The following CDCA5 variants were observed in gnomAD, a reference collection of about 807,000 sequenced individuals.
CDCA5 encodes the protein sororin.
CDCA5 carries 14 observed loss-of-function variants against 25.7 expected under a neutral mutation model. The ratio of observed to expected loss-of-function variants is 0.54; its 90% CI spans 0.36 to 0.85. The LOEUF is 0.85. CDCA5 is among the 40% of genes least tolerant of loss of function. The pLI, the probability that CDCA5 is intolerant of heterozygous loss-of-function variation, is 0.01. For missense variants in CDCA5, 307 were observed against 324.5 expected (o/e 0.95, Z 0.41); for synonymous variants, 127 against 128.7 (o/e 0.99, Z 0.09).
At chr11:65,066,442 AGAG>A in exon 7 of CDCA5, 1 of 1,276,674 alleles carries the variant, frequency 7.8e-7, no homozygotes, top group Non-Finnish European at 1.0e-6. Context: ...GGCAGCTTGA[AGAG>A]GAGACCTGCC....
At chr11:65,065,777 G>C (rs1947227288), downstream of CDCA5, among the ~76,000 whole-genome samples, 1 of 152,028 alleles carries the variant, frequency 6.6e-6, no homozygotes, top group African/African-American at 2.4e-5. Context: ...TGGGCCAGAG[G>C]GCTCCTGGGT....
At position 65,078,129 on chromosome 11, in the gene CDCA5, G is replaced by A. The variant is rs1011953400; in HGVS notation, c.*978C>T. The A allele has an allele frequency of 5.2e-5, 51 of 985,006 alleles. No homozygotes were observed. The African/African-American group carries it at 8.2e-4, about 16-fold the overall frequency. 61.0% of individuals were successfully genotyped at this position (985,006 alleles called of 1,614,324 possible). A position where few individuals can be genotyped will look rare whatever the true frequency, so the allele number is the denominator to read the frequency against. On this transcript the variant is annotated 3_prime_UTR_variant, in exon 6 of 6. Coordinates refer to ENST00000275517, the MANE Select transcript of CDCA5 (RefSeq NM_080668.4). ...CTGGTACGCGAGGAAACTTTCCGAG[G>A]ACTTTACAAGCATAGTTGCAAAATG...
chr11:65,084,022 G>T lies in CDCA5; in HGVS notation c.-44C>A. On this transcript the variant is annotated 5_prime_UTR_variant, in exon 1 of 6. Transcript: ENST00000275517. The stretch of plus-strand genomic sequence containing the variant: ...AGCTCCTCCAGCGCCGCCGCCCCGG[G>T]CGCGCGCCAACCGGGAAGGCCACTC... The T allele has an allele frequency of 5.7e-6, 9 of 1,586,632 alleles. No homozygotes were observed. Among genetic ancestry groups the T allele is most frequent in the Non-Finnish European group, 6.8e-6 (8 of 1,169,236 alleles).
chr11:65,081,573 G>A (rs1274778144), intron 4 of CDCA5, among the ~76,000 whole-genome samples: 1 of 152,140 alleles, frequency 6.6e-6, no homozygotes, highest in Non-Finnish European at 1.5e-5. Flanking sequence ...CAACAAGAAT[G>A]AGTGGCTACT....
Position 65,077,745 on chromosome 11 carries a change from T to G in CDCA5, c.*1362A>C, listed in dbSNP as rs147595222. ...ACCACAGAGCGTTGAGCAGATGGCC[T>G]GGGACTCCCAGACCTGGCAGAGGGT... On this transcript the variant is annotated 3_prime_UTR_variant, in exon 6 of 6. Transcript: ENST00000275517. The G allele has an allele frequency of 6.1e-6, 6 of 985,464 alleles. No individual in the cohort carries two copies. In the African/African-American group the frequency reaches 8.7e-5, roughly 14 times the overall value. The allele number at this position is 985,464 out of a possible 1,614,324, so 61.0% of individuals were successfully genotyped here. A position where few individuals can be genotyped will look rare whatever the true frequency, so the allele number is the denominator to read the frequency against.
chr11:65,066,471 TC>T lies in CDCA5; in HGVS notation c.565del (p.Asp189ThrfsTer?), dbSNP rs1213305784. 2.3e-6 allele frequency: 3 copies of T among 1,286,694 alleles called. No homozygotes were observed. Among genetic ancestry groups the T allele is most frequent in the Non-Finnish European group, 3.0e-6 (3 of 987,184 alleles). The allele number at this position is 1,286,694 out of a possible 1,614,324, so 79.7% of individuals were successfully genotyped here. ...GAGACCTGCCTTCCGGGGGTTTGGG[TC>T]ACTGCAGGCAGAGACAGCTCGAGTG... On this transcript the variant is annotated frameshift_variant and splice_region_variant, in exon 7 of 7. Transcript: ENST00000525464. LOFTEE classifies it low-confidence loss of function (END_TRUNC).
chr11:65,065,335 T>G (rs959112042), downstream of CDCA5, among the ~76,000 whole-genome samples: 6 of 152,214 alleles, frequency 3.9e-5, no homozygotes, highest in African/African-American at 1.2e-4. Flanking sequence ...TCGTCCAGGC[T>G]GGAGTACAGT....
chr11:65,065,850 T>A (rs1947228094), downstream of CDCA5, among the ~76,000 whole-genome samples: 3 of 151,800 alleles, frequency 2.0e-5, no homozygotes, highest in Non-Finnish European at 4.4e-5. Context: ...TGCGGGCCCT[T>A]GGGGAGTTGC....
chr11:65,080,039 C>T (rs892921219), intron 4 of CDCA5, among the ~76,000 whole-genome samples: 2 of 151,906 alleles, frequency 1.3e-5, no homozygotes, highest in African/African-American at 2.4e-5. Context: ...TACAGGCGCC[C>T]GCCACCTCGC....
chr11:65,067,665 C>T (rs1947264756), exon 4 of CDCA5: 1 of 1,289,688 alleles, frequency 7.8e-7, no homozygotes, highest in Non-Finnish European at 1.0e-6. Flanking sequence ...CTCATGCAGT[C>T]ATTCTGCAAC....
intron 1 of CDCA5, 38 bp from the exon 2 acceptor site, chr11:65,083,761 C>T (rs891362631): frequency 1.3e-6 from 2 of 1,594,360 alleles, no homozygotes; most frequent in Admixed American, 3.5e-5. Flanking sequence ...GAGGAGGACT[C>T]TAGACCTTAG....
At chr11:65,061,611 C>G (rs1333352490), downstream of CDCA5, among the ~76,000 whole-genome samples, 1 of 151,522 alleles carries the variant, frequency 6.6e-6, no homozygotes, top group Non-Finnish European at 1.5e-5. Flanking sequence ...CGTCTCTACT[C>G]AAAATACAAA....
intron 4 of CDCA5, among the ~76,000 whole-genome samples, chr11:65,081,231 C>G (rs951381717): frequency 6.6e-6 from 1 of 152,046 alleles, no homozygotes; most frequent in Non-Finnish European, 1.5e-5. Flanking sequence ...TTGAGACCAG[C>G]CTGGCCAACA....
downstream of CDCA5, among the ~76,000 whole-genome samples, chr11:65,074,483 T>C (rs1452708009): frequency 1.3e-5 from 2 of 152,202 alleles, no homozygotes; most frequent in Non-Finnish European, 2.9e-5. Context: ...TTGGTTATTG[T>C]TGAATAATGC....
intron 2 of CDCA5, chr11:65,068,379 T>TGGG (rs1441563940): frequency 1.6e-6 from 1 of 635,252 alleles, no homozygotes; most frequent in East Asian, 6.7e-5. Flanking sequence ...AGCTGGAAGC[T>TGGG]GGGTGTGACG....
downstream of CDCA5, among the ~76,000 whole-genome samples, chr11:65,072,676 C>T (rs1947362964): frequency 6.6e-6 from 1 of 152,254 alleles, no homozygotes; most frequent in African/African-American, 2.4e-5. Flanking sequence ...GGTGGGAAAC[C>T]ACCACATCCA....
chr11:65,079,391 T>C lies in CDCA5; in HGVS notation c.640A>G (p.Lys214Glu), dbSNP rs372928302. 5.6e-6 allele frequency: 9 copies of C among 1,614,030 alleles called. No homozygotes were observed. Among genetic ancestry groups the C allele is most frequent in the Admixed American group, 1.7e-5 (1 of 60,002 alleles). Residue 214 changes from lysine (K) to glutamate (E), a missense_variant, in exon 5 of 6, where the codon AAA becomes GAA. Physicochemically the swap from Lys to Glu is moderately conservative, Grantham distance 56 (BLOSUM62 1). Transcript: ENST00000275517. Reference sequence around the variant, plus strand: ...ATTTTCTTCTTCTTACGTTTCTGTTTCTCGGGTGGTGGGGAGATTCCAGGG... The same window carrying C: ...ATTTTCTTCTTCTTACGTTTCTGTTCCTCGGGTGGTGGGGAGATTCCAGGG... ...TLPGISPPPE[K>E]QKRKKKKMPE...
downstream of CDCA5, among the ~76,000 whole-genome samples, chr11:65,062,202 G>A (rs931513657): frequency 2.0e-5 from 3 of 152,168 alleles, no homozygotes; most frequent in Non-Finnish European, 2.9e-5. Context: ...TTACAGGCGA[G>A]AGCCACCGTG....
Position 65,079,527 on chromosome 11 carries a change from G to A in CDCA5, c.504C>T (p.Phe168=), listed in dbSNP as rs771125759. 18 of 1,614,002 alleles carry A rather than the reference G, an allele frequency of 1.1e-5. No homozygotes were observed. Among genetic ancestry groups the A allele is most frequent in the South Asian group, 8.8e-5 (8 of 91,074 alleles). The change falls in exon 5 of 6, where the codon TTC becomes TTT. Residue 168 remains phenylalanine, a synonymous_variant. Transcript: ENST00000275517. ...AGTCTTCTGCCCCCAGCAGCCCCTC[G>A]AAGCCAAAGCAGGACCGGCGGCCTG... is the stretch of plus-strand genomic sequence containing the variant. ...STPGRRSCFG[F]EGLLGAEDLS...
Sources: gnomAD v4.1 joint callset for allele counts (sites outside exome capture counted in the v4.1 genomes callset) on GRCh38, gnomAD v4.1.1 for gene constraint, MANE v1.5 for transcripts, NCBI Gene and HGNC (gene_info 2026-07-23, HGNC 2026-07-21) for gene names.